GNB4: variants seen among roughly 807,000 people sequenced by gnomAD.
GNB4 encodes G protein subunit beta 4, also known as guanine nucleotide-binding protein subunit beta-4.
GNB4 carries 28 observed loss-of-function variants against 45.2 expected under a neutral mutation model. The ratio of observed to expected loss-of-function variants is 0.62; its 90% CI spans 0.46 to 0.85. The LOEUF (loss-of-function observed/expected upper bound fraction) is 0.85, where lower values mean the gene tolerates loss of function less well. Among genes scored for constraint, GNB4 ranks in the 40% least tolerant of loss-of-function variants. GNB4 has a pLI of 0.00. For synonymous variants in GNB4, 132 were observed against 143.7 expected, an observed-to-expected ratio of 0.92 and a Z score of 0.58; for missense variants, 321 against 425.4, an observed-to-expected ratio of 0.75 and a Z score of 2.16.
At chr3:179,449,186 C>T (rs548741763) in intron 1 of GNB4, among the ~76,000 whole-genome samples, 1 of 152,276 alleles carries the variant, frequency 6.6e-6, no homozygotes, top group East Asian at 1.9e-4. Flanking sequence ...TTAGTTATAA[C>T]TCTATCTCTA....
the GNB4 span, among the ~76,000 whole-genome samples, chr3:179,525,940 C>T: frequency 6.6e-6 from 1 of 152,184 alleles, no homozygotes; most frequent in Non-Finnish European, 1.5e-5. Flanking sequence ...GTCCTCCTGT[C>T]CTGGGTTTCG....
intron 1 of GNB4, among the ~76,000 whole-genome samples, chr3:179,447,104 G>A (rs948728844): frequency 5.9e-5 from 9 of 152,150 alleles, no homozygotes; most frequent in Non-Finnish European, 1.3e-4. Flanking sequence ...GGGTGACGAG[G>A]AAGGCTATTT....
intron 1 of GNB4, among the ~76,000 whole-genome samples, chr3:179,442,697 T>C (rs1180158314): frequency 6.6e-6 from 1 of 151,988 alleles, no homozygotes; most frequent in Non-Finnish European, 1.5e-5. Flanking sequence ...CCATCCTTGC[T>C]CACCACTGCA....
chr3:179,492,924 C>T, the GNB4 span, among the ~76,000 whole-genome samples: 2 of 152,312 alleles, frequency 1.3e-5, no homozygotes, highest in South Asian at 4.1e-4. Flanking sequence ...CAGATACCTG[C>T]AGCCTAGGCT....
chr3:179,405,804 C>G (rs1041694192), intron 8 of GNB4: 1 of 156,850 alleles, frequency 6.4e-6, no homozygotes, highest in African/African-American at 2.4e-5. Context: ...AAGGACCCCT[C>G]GGGACAGTTC....
At chr3:179,465,407 TC>T in the GNB4 span, 1 of 538,158 alleles carries the variant, frequency 1.9e-6, no homozygotes, top group Middle Eastern at 5.3e-4. Context: ...ACGGAGACCA[TC>T]CTGGCTAACA....
chr3:179,491,661 TC>T, the GNB4 span, among the ~76,000 whole-genome samples: 4 of 152,082 alleles, frequency 2.6e-5, no homozygotes, highest in Admixed American at 2.6e-4. Context: ...GTCTTCCTGG[TC>T]CAAAATGGAG....
the GNB4 span, among the ~76,000 whole-genome samples, chr3:179,510,068 A>C: frequency 9.9e-5 from 15 of 152,052 alleles, no homozygotes; most frequent in African/African-American, 3.6e-4. Context: ...GAGCTCAAGC[A>C]ATCCTCCTGC....
At chr3:179,460,917 T>C in the GNB4 span, among the ~76,000 whole-genome samples, 1 of 152,164 alleles carries the variant, frequency 6.6e-6, no homozygotes, top group Non-Finnish European at 1.5e-5. Context: ...CAAAAGACAT[T>C]ATGGCAGGAA....
the GNB4 span, among the ~76,000 whole-genome samples, chr3:179,483,540 A>C: frequency 6.6e-6 from 1 of 152,162 alleles, no homozygotes; most frequent in Non-Finnish European, 1.5e-5. Flanking sequence ...AGAAAGAAAG[A>C]AACCATCAGC....
intron 8 of GNB4, among the ~76,000 whole-genome samples, chr3:179,409,240 G>T (rs1436403902): frequency 6.6e-6 from 1 of 151,968 alleles, no homozygotes; most frequent in Non-Finnish European, 1.5e-5. Context: ...GCTGTGCACA[G>T]TGGCTCATGC....
chr3:179,405,529 G>T, intron 8 of GNB4, 123 bp from the exon 9 acceptor site: 1 of 626,906 alleles, frequency 1.6e-6, no homozygotes, highest in Non-Finnish European at 2.7e-6. Context: ...AGCGATGTTG[G>T]GCACTAAAGA....
the GNB4 span, among the ~76,000 whole-genome samples, chr3:179,488,999 A>T: frequency 1.1e-3 from 35 of 30,536 alleles, no homozygotes; most frequent in East Asian, 0.013. Context: ...AAAAAAAAAA[A>T]AAAAAAAAAA....
Position 179,396,587 on chromosome 3 carries a change from T to A in GNB4, c.*4626A>T, listed in dbSNP as rs1714125291. 6.6e-6 allele frequency: 1 copy of A among 152,240 alleles called. No individual in the cohort carries two copies. The highest frequency in any genetic ancestry group is 2.4e-5 in the African/African-American group (1 of 41,462). The allele number at this position is 152,240 out of a possible 1,614,324, so 9.4% of individuals were successfully genotyped here. A position where few individuals can be genotyped will look rare whatever the true frequency, so the allele number is the denominator to read the frequency against. On this transcript the variant is annotated 3_prime_UTR_variant, in exon 10 of 10. Transcript: ENST00000232564. ...GATGTAAGATTTTGTTGAATACATT[T>A]AACACCAGTTGGAATATAGCTTTTT...
intron 3 of GNB4, 32 bp downstream of exon 3, chr3:179,420,857 C>T (rs1398252076): frequency 9.2e-6 from 13 of 1,413,788 alleles, no homozygotes; most frequent in Non-Finnish European, 1.3e-5. Flanking sequence ...TTATGAGTTA[C>T]CAAAATGAAA....
chr3:179,475,823 C>A, the GNB4 span, among the ~76,000 whole-genome samples: 1 of 152,192 alleles, frequency 6.6e-6, no homozygotes, highest in African/African-American at 2.4e-5. Flanking sequence ...CACACTCCTG[C>A]AATAATGACA....
chr3:179,525,846 GGTT>G, the GNB4 span, among the ~76,000 whole-genome samples: 14 of 152,234 alleles, frequency 9.2e-5, no homozygotes, highest in Non-Finnish European at 2.1e-4. Flanking sequence ...ATGTTCCTTG[GGTT>G]GTTTGGTCTG....
chr3:179,490,159 A>G, the GNB4 span, among the ~76,000 whole-genome samples: 1 of 152,244 alleles, frequency 6.6e-6, no homozygotes, highest in Non-Finnish European at 1.5e-5. Flanking sequence ...AAAAATAAAG[A>G]TAGCAGATGT....
chr3:179,524,546 G>T, the GNB4 span, among the ~76,000 whole-genome samples: 2 of 151,916 alleles, frequency 1.3e-5, no homozygotes, highest in Admixed American at 1.3e-4. Context: ...CCTTGAAGGC[G>T]AGGTGAATTA....
Sources: allele counts gnomAD v4.1 joint callset (sites outside exome capture counted in the v4.1 genomes callset), GRCh38; gene constraint gnomAD v4.1.1; transcripts MANE v1.5; gene names NCBI Gene and HGNC (gene_info 2026-07-23, HGNC 2026-07-21).